Variants in C20orf202 observed in about 807,000 individuals in gnomAD.
The protein encoded by C20orf202 is uncharacterized protein C20orf202.
A neutral mutation model predicts 5.3 loss-of-function variants in C20orf202; 5 were observed. The observed-to-expected ratio is 0.94, with a 90% confidence interval of 0.49 to 1.98. The LOEUF is 1.98. C20orf202 is among the 30% of genes most tolerant of loss of function. The probability of loss-of-function intolerance (pLI) is 0.01; values close to 1 mark genes in which losing one functional copy is unlikely to be tolerated. For missense variants in C20orf202, 135 were observed against 123.5 expected (o/e 1.09, Z -0.44); for synonymous variants, 48 against 50.0 (o/e 0.96, Z 0.16).
rs770841361 is a variant in C20orf202 at position 1,206,905 on chromosome 20, A to C, written c.103A>C (p.Thr35Pro). The change falls in exon 2 of 2, where the codon ACA (threonine) becomes CCA (proline). Residue 35 changes from threonine to proline, a missense_variant. Coordinates refer to ENST00000400633, the MANE Select transcript of C20orf202 (RefSeq NM_001394958.1). ...GATTCAAGATCAGAGTCTCCTGCTC[A>C]CACTGAGGCATCTTCACAGTGTCCT... Reference protein sequence around the residue: ...MQIQDQSLLLTLRHLHSVLEE... With the variant: ...MQIQDQSLLLPLRHLHSVLEE... 2 of 1,549,624 alleles carry C rather than the reference A, an allele frequency of 1.3e-6. No individual in the cohort carries two copies. The highest frequency in any genetic ancestry group is 1.7e-6 in the Non-Finnish European group (2 of 1,145,702).
At chr20:1,204,321 G>T (rs903724044) in intron 1 of C20orf202, among the ~76,000 whole-genome samples, 1 of 152,128 alleles carries the variant, frequency 6.6e-6, no homozygotes, top group Non-Finnish European at 1.5e-5. Context: ...AGGCCCAGTG[G>T]GTGTCTCAGC....
In C20orf202 at chr20:1,203,623, A is replaced by T. The variant is rs376672221; in HGVS notation, c.38A>T (p.Gln13Leu). ...GAAGAGCCCAGCCCGAGTCTTGGGC[A>T]GACCTTGGAGTGGCTGAGAAAGGAG... ...IAEEPSPSLG[Q>L]TLEWLRKELS... Residue 13 changes from glutamine to leucine, a missense_variant, in exon 1 of 2, where the codon CAG (glutamine) becomes CTG (leucine). Gln to Leu is a moderately radical substitution (Grantham distance 113). Coordinates refer to ENST00000400633, the MANE Select transcript of C20orf202 (RefSeq NM_001394958.1). The T allele has an allele frequency of 1.2e-4, 182 of 1,550,848 alleles. No individual in the cohort carries two copies. The highest frequency in any genetic ancestry group is 1.5e-4 in the Non-Finnish European group (175 of 1,146,754).
At chr20:1,206,753 T>C in intron 1 of C20orf202, 116 bp from the exon 2 acceptor site, 1 of 604,904 alleles carries the variant, frequency 1.7e-6, no homozygotes, top group Non-Finnish European at 2.8e-6. Flanking sequence ...ACGGCTTCTG[T>C]GAGGCTGTGC....
At position 1,206,777 on chromosome 20, in the gene C20orf202, G is replaced by A. The variant is rs1217784241; in HGVS notation, c.67-92G>A. 3.8e-6 allele frequency: 3 copies of A among 794,856 alleles called. No individual in the cohort carries two copies. The African/African-American group carries it at 5.2e-5, about 14-fold the overall frequency. The allele number at this position is 794,856 out of a possible 1,614,324, so 49.2% of individuals were successfully genotyped here. ...GTGAGGCTGTGCGAATCACAAGTGG[G>A]CTGGTCTCCGATGAGACAGCGAGGG... On this transcript the variant is annotated intron_variant, in intron 1 of 1. Transcript: ENST00000400633.
chr20:1,206,358 T>C (rs556207173), intron 1 of C20orf202, among the ~76,000 whole-genome samples: 1 of 152,350 alleles, frequency 6.6e-6, no homozygotes, highest in South Asian at 2.1e-4. Flanking sequence ...CATAATATGT[T>C]AATAAAACAT....
At position 1,209,029 on chromosome 20, in the gene C20orf202, C is replaced by T. The variant is rs2087144514; in HGVS notation, c.*1927C>T. On this transcript the variant is annotated 3_prime_UTR_variant, in exon 2 of 2. Coordinates refer to ENST00000400633, the MANE Select transcript of C20orf202 (RefSeq NM_001394958.1). This position sits in a 1 kb window ranked among gnomAD's most constrained non-coding sequence, Gnocchi z 4.0. Reference sequence around the variant, plus strand: ...AACCTTTCAGTCACCCAGTTAACAACTTTATACCTAGTTAGCAATTCTTTA... The same window carrying T: ...AACCTTTCAGTCACCCAGTTAACAATTTTATACCTAGTTAGCAATTCTTTA... Among the ~76,000 whole-genome samples the T allele has an allele frequency of 6.6e-6, 1 of 152,266 alleles. No individual in the cohort carries two copies. The highest frequency in any genetic ancestry group is 1.9e-4 in the East Asian group (1 of 5,190).
intron 1 of C20orf202, among the ~76,000 whole-genome samples, chr20:1,205,869 C>T (rs1469899154): frequency 6.6e-6 from 1 of 152,058 alleles, no homozygotes; most frequent in Non-Finnish European, 1.5e-5. Flanking sequence ...TGAGACCAGC[C>T]TGGGCAACAT....
chr20:1,206,789 T>G, intron 1 of C20orf202, 80 bp from the exon 2 acceptor site: 42 of 967,914 alleles, frequency 4.3e-5, no homozygotes, highest in Non-Finnish European at 5.1e-5. Context: ...TGGTCTCCGA[T>G]GAGACAGCGA....
rs2087119487 is a variant in C20orf202, at chr20:1,203,648, GC to G, written c.64del (p.Leu22CysfsTer15). 10 of 1,543,428 alleles carry G rather than the reference GC, an allele frequency of 6.5e-6. No individual in the cohort carries two copies. Among genetic ancestry groups the G allele is most frequent in the Non-Finnish European group, 7.9e-6 (9 of 1,144,882 alleles). ...GQTLEWLRKELSEMQIQDQSL... is the reference protein window; with the variant it reads ...GQTLEWLRKEXSEMQIQDQSL... The stretch of plus-strand genomic sequence containing the variant: ...AGACCTTGGAGTGGCTGAGAAAGGA[GC>G]TGGTAAGGTTTTGCATTGCTTTTCC... On this transcript the variant is annotated frameshift_variant and splice_region_variant, in exon 1 of 2. Transcript: ENST00000400633. LOFTEE classifies it high-confidence loss of function.
intron 1 of C20orf202, among the ~76,000 whole-genome samples, chr20:1,204,143 A>G (rs1003038987): frequency 6.6e-6 from 1 of 152,186 alleles, no homozygotes; most frequent in African/African-American, 2.4e-5. Flanking sequence ...CCTAGAAAGC[A>G]GAGGCTTGGA....
At chr20:1,203,732 CT>C (rs1358201705) in intron 1 of C20orf202, 81 bp downstream of exon 1, 21 of 1,462,288 alleles carry the variant, frequency 1.4e-5, no homozygotes, top group South Asian at 4.2e-5. Context: ...CGGGTCCCCC[CT>C]GGGGCAGAGG....
chr20:1,203,605 C>A lies in C20orf202; in HGVS notation c.20C>A (p.Pro7His). The change falls in exon 1 of 2, where the codon CCC becomes CAC. Residue 7 changes from proline (P) to histidine (H), a missense_variant. Pro to His is a moderately conservative substitution (Grantham distance 77). Transcript: ENST00000400633. MKIAEE[P>H]SPSLGQTLEW... is the part of the protein sequence containing the mutation. ...ACTGAGATGAAAATAGCAGAAGAGC[C>A]CAGCCCGAGTCTTGGGCAGACCTTG... 6.4e-7 allele frequency: 1 copy of A among 1,551,406 alleles called. No homozygotes were observed. The highest frequency in any genetic ancestry group is 8.7e-7 in the Non-Finnish European group (1 of 1,146,902).
At chr20:1,206,828 G>A in intron 1 of C20orf202, 41 bp from the exon 2 acceptor site, 1 of 1,356,922 alleles carries the variant, frequency 7.4e-7, no homozygotes, top group Admixed American at 2.4e-5. Context: ...GAAACATCCA[G>A]GGCTCCACGC....
intron 1 of C20orf202, among the ~76,000 whole-genome samples, chr20:1,205,291 A>G (rs203558): frequency 0.02 from 3,011 of 152,048 alleles, 99 homozygotes; most frequent in African/African-American, 0.068. Context: ...TATTTTTAGT[A>G]GAGACCGGGT....
intron 1 of C20orf202, 21 bp from the exon 2 acceptor site, chr20:1,206,848 C>T (rs749344982): frequency 1.6e-5 from 24 of 1,474,144 alleles, no homozygotes; most frequent in Middle Eastern, 4.8e-4. Flanking sequence ...CATCCCCTCA[C>T]AGGCTCCTTC....
rs746924826 is a variant in C20orf202, at chr20:1,207,119, C to T, written c.*17C>T. The T allele has an allele frequency of 3.4e-5, 49 of 1,442,424 alleles. No homozygotes were observed. The highest frequency in any genetic ancestry group is 9.3e-7 in the Non-Finnish European group (1 of 1,077,564). The allele number at this position is 1,442,424 out of a possible 1,614,324, so 89.4% of individuals were successfully genotyped here. ...CTCCCTTAACTGGACGGAGATGACA[C>T]TGGGCTTTAACACTCTCCCCATTAG... On this transcript the variant is annotated 3_prime_UTR_variant, in exon 2 of 2. Coordinates refer to ENST00000400633, the MANE Select transcript of C20orf202 (RefSeq NM_001394958.1).
At position 1,208,638 on chromosome 20, in the gene C20orf202, T is replaced by C. The variant is rs1016072024; in HGVS notation, c.*1536T>C. On this transcript the variant is annotated 3_prime_UTR_variant, in exon 2 of 2. Transcript: ENST00000400633. ...TGTTTCCCTGTGGGCTTCCTGTTCC[T>C]ATGAGCATCTCCCAGCAATGTTTCT... is the stretch of plus-strand genomic sequence containing the variant. Among the ~76,000 whole-genome samples the C allele has an allele frequency of 1.3e-5, 2 of 152,224 alleles. No individual in the cohort carries two copies. The highest frequency in any genetic ancestry group is 2.4e-5 in the African/African-American group (1 of 41,454).
chr20:1,204,008 G>T (rs1003942512), intron 1 of C20orf202, among the ~76,000 whole-genome samples: 1 of 152,064 alleles, frequency 6.6e-6, no homozygotes, highest in Non-Finnish European at 1.5e-5. Flanking sequence ...ATCATATGGG[G>T]TATTGTAAGG....
chr20:1,207,036 G>A lies in C20orf202; in HGVS notation c.234G>A (p.Pro78=), dbSNP rs576260774. 1 of 1,549,418 alleles carries A rather than the reference G, an allele frequency of 6.5e-7. No homozygotes were observed. Among genetic ancestry groups the A allele is most frequent in the Non-Finnish European group, 8.7e-7 (1 of 1,145,514 alleles). Residue 78 remains proline, a synonymous_variant, in exon 2 of 2, where the codon CCG becomes CCA. Transcript: ENST00000400633. ...GCTCCGAAGGCAGGGGCTGCCAGCC[G>A]GTTTGCTCAAGGGGTCTGGCCCAGC... ...RAGSEGRGCQ[P]VCSRGLAQLL... is the part of the protein sequence containing the mutation.
Sources: gnomAD v4.1 joint callset for allele counts (sites outside exome capture counted in the v4.1 genomes callset) on GRCh38, gnomAD v4.1.1 for gene constraint, Gnocchi (gnomAD v3.1) non-coding constraint, MANE v1.5 for transcripts, NCBI Gene and HGNC (gene_info 2026-07-23, HGNC 2026-07-21) for gene names.